The following OPHN1 variants were observed in gnomAD, a reference collection of about 807,000 sequenced individuals.
OPHN1 encodes the protein oligophrenin 1.
In OPHN1, 11 loss-of-function variants were observed where a neutral mutation model predicts 60.7. The observed-to-expected ratio is 0.18, with a 90% CI of 0.11 to 0.30. The LOEUF (loss-of-function observed/expected upper bound fraction) is 0.30, where lower values mean the gene tolerates loss of function less well. OPHN1 is among the 10% of genes least tolerant of loss of function. The pLI is 1.00. For missense variants in OPHN1, 449 were observed against 611.0 expected, an observed-to-expected ratio of 0.73 and a Z score of 2.80; for synonymous variants, 226 against 222.6, an observed-to-expected ratio of 1.02 and a Z score of -0.14.
chrX:68,119,430 A>C, intron 15 of OPHN1, 98 bp from the exon 16 acceptor site: 1 of 575,908 alleles, frequency 1.7e-6, no homozygotes, highest in Non-Finnish European at 2.9e-6. Flanking sequence ...TACCCTAAGT[A>C]GTTTTTAAGA....
At chrX:68,126,115 C>A (rs1205211883) in intron 15 of OPHN1, among the ~76,000 whole-genome samples, 1 of 106,568 alleles carries the variant, frequency 9.4e-6, no homozygotes, top group East Asian at 3.0e-4. Context: ...GTACATCATA[C>A]CAATAAAACG....
chrX:68,359,387 G>A (rs1192492104), intron 2 of OPHN1, among the ~76,000 whole-genome samples: 2 of 111,358 alleles, frequency 1.8e-5, no homozygotes, highest in Non-Finnish European at 3.8e-5. Flanking sequence ...ATGGCTTTCT[G>A]TTTTTGTGAG....
intron 15 of OPHN1, among the ~76,000 whole-genome samples, chrX:68,177,666 C>T (rs2077419970): frequency 9.0e-6 from 1 of 111,112 alleles, no homozygotes; most frequent in South Asian, 3.9e-4. Context: ...GGGGAGTTGA[C>T]ACTTCATGTG....
At chrX:68,252,932 G>C (rs988100634) in intron 5 of OPHN1, among the ~76,000 whole-genome samples, 2 of 110,411 alleles carry the variant, frequency 1.8e-5, no homozygotes, top group Non-Finnish European at 3.8e-5. Context: ...TTTTTTTAGA[G>C]GAAGTCTGGC....
At chrX:68,091,388 T>G (rs1357556287) in intron 19 of OPHN1, among the ~76,000 whole-genome samples, 1 of 110,903 alleles carries the variant, frequency 9.0e-6, no homozygotes, top group African/African-American at 3.3e-5. Context: ...GAAAATGAGT[T>G]TGCAAAGCAC....
intron 2 of OPHN1, among the ~76,000 whole-genome samples, chrX:68,410,439 G>A (rs1478481738): frequency 9.0e-6 from 1 of 110,589 alleles, no homozygotes; most frequent in Non-Finnish European, 1.9e-5. Flanking sequence ...GTTCACGCCT[G>A]TAATCCCAGC....
chrX:68,055,508 G>C (rs865863078), intron 21 of OPHN1, among the ~76,000 whole-genome samples: 4 of 112,074 alleles, frequency 3.6e-5, no homozygotes, highest in Admixed American at 9.4e-5. Flanking sequence ...GTTGGTGGGA[G>C]TGTAAACTAG....
At chrX:68,086,617 C>G (rs952966104) in intron 19 of OPHN1, among the ~76,000 whole-genome samples, 3 of 111,897 alleles carry the variant, frequency 2.7e-5, no homozygotes, top group Non-Finnish European at 5.6e-5. Context: ...ATTAGGGTAA[C>G]CACAAAATAA....
chrX:68,216,935 C>T (rs1210616747), intron 6 of OPHN1, among the ~76,000 whole-genome samples: 3 of 111,946 alleles, frequency 2.7e-5, no homozygotes, highest in South Asian at 3.7e-4. Flanking sequence ...CCAAGATGGC[C>T]GAATAGGAAC....
chrX:68,397,507 C>CTTTTT (rs2078691378), intron 2 of OPHN1, among the ~76,000 whole-genome samples: 1 of 42,097 alleles, frequency 2.4e-5, no homozygotes, highest in Non-Finnish European at 4.5e-5. Context: ...ACACTTTTTT[C>CTTTTT]TTTTATTTAT....
At chrX:68,048,361 G>A (rs920964076) in intron 24 of OPHN1, 55 bp downstream of exon 24, 17 of 1,073,547 alleles carry the variant, frequency 1.6e-5, no homozygotes, top group East Asian at 9.1e-5. Flanking sequence ...ATCAGATCCC[G>A]TAATGAAGGC....
At chrX:68,282,708 C>G (rs778206318) in intron 4 of OPHN1, among the ~76,000 whole-genome samples, 1 of 111,513 alleles carries the variant, frequency 9.0e-6, no homozygotes, top group Admixed American at 9.6e-5. Flanking sequence ...AAAAGTAAAA[C>G]TACTCCACAA....
At chrX:68,208,841 A>G (rs2077571844) in intron 9 of OPHN1, among the ~76,000 whole-genome samples, 1 of 111,869 alleles carries the variant, frequency 8.9e-6, no homozygotes, top group Non-Finnish European at 1.9e-5. Flanking sequence ...GAGGCCAGGG[A>G]TGCTTCTAAA....
intron 18 of OPHN1, among the ~76,000 whole-genome samples, chrX:68,100,905 C>A (rs2077055936): frequency 1.8e-5 from 2 of 110,199 alleles, no homozygotes; most frequent in African/African-American, 6.6e-5. Flanking sequence ...CGCCACCATG[C>A]CCGGCTAATT....
intron 2 of OPHN1, among the ~76,000 whole-genome samples, chrX:68,396,539 G>T (rs2078685501): frequency 9.0e-6 from 1 of 110,914 alleles, no homozygotes; most frequent in Admixed American, 9.6e-5. Context: ...AGTTGGCCAG[G>T]CGCTGTGGCT....
intron 6 of OPHN1, among the ~76,000 whole-genome samples, chrX:68,223,123 G>C (rs995978341): frequency 3.6e-5 from 4 of 111,212 alleles, no homozygotes. Flanking sequence ...ATGGAAAACA[G>C]TATAGAGATC....
At chrX:68,400,020 A>C (rs2078705633) in intron 2 of OPHN1, among the ~76,000 whole-genome samples, 1 of 109,741 alleles carries the variant, frequency 9.1e-6, no homozygotes, top group African/African-American at 3.3e-5. Flanking sequence ...GAGGAGTGTG[A>C]GCTTTGTAAC....
At chrX:68,425,507 G>C (rs1299081092) in intron 2 of OPHN1, among the ~76,000 whole-genome samples, 1 of 111,878 alleles carries the variant, frequency 8.9e-6, no homozygotes, top group African/African-American at 3.2e-5. Context: ...TAGCTAGCTA[G>C]TGGCAGAATT....
intron 2 of OPHN1, among the ~76,000 whole-genome samples, chrX:68,395,775 G>T (rs1467471386): frequency 9.0e-6 from 1 of 110,706 alleles, no homozygotes; most frequent in African/African-American, 3.3e-5. Flanking sequence ...TTGTAGAAAT[G>T]AGGTCTTACT....
Sources: gnomAD v4.1 joint callset for allele counts (sites outside exome capture counted in the v4.1 genomes callset) on GRCh38, gnomAD v4.1.1 for gene constraint, MANE v1.5 for transcripts, NCBI Gene and HGNC (gene_info 2026-07-23, HGNC 2026-07-21) for gene names.